Variants in CD44 observed in about 807,000 individuals in gnomAD.
CD44 encodes the protein CD44 antigen.
In CD44, 49 loss-of-function variants were observed where a neutral mutation model predicts 88.8. The ratio of observed to expected loss-of-function variants is 0.55; its 90% CI spans 0.44 to 0.70. The LOEUF (loss-of-function observed/expected upper bound fraction) is 0.70. CD44 is among the 30% of genes least tolerant of loss of function. The pLI is 0.00. For missense variants in CD44, 883 were observed against 913.8 expected, an observed-to-expected ratio of 0.97 and a Z score of 0.43; for synonymous variants, 325 against 312.3, an observed-to-expected ratio of 1.04 and a Z score of -0.43.
rs55698889 is a variant in CD44 at position 35,221,752 on chromosome 11, G to T, written c.2024+20G>T. 6 of 1,606,354 alleles carry T rather than the reference G, an allele frequency of 3.7e-6. No homozygotes were observed. Among genetic ancestry groups the T allele is most frequent in the South Asian group, 2.2e-5 (2 of 90,932 alleles). ...AAGAAGGTAAGGGGCTGTCCTGGGG[G>T]CTTTCAACTTGGAAAGGGCATCATT... On this transcript the variant is annotated intron_variant, in intron 17 of 17. Transcript: ENST00000428726.
intron 4 of CD44, 53 bp downstream of exon 4, chr11:35,186,953 C>A: frequency 1.9e-6 from 2 of 1,031,508 alleles, no homozygotes; most frequent in Non-Finnish European, 3.1e-6. Flanking sequence ...GGAAAGGGCT[C>A]AGGTGTGTTC....
Position 35,209,816 on chromosome 11 carries a change from C to T in CD44, c.1517-149C>T, listed in dbSNP as rs1948226798. ...ATAGAATTCTTCTGTATATTTCTAT[C>T]AATCAGAGGAGAATTGTGTGCACAA... On this transcript the variant is annotated intron_variant, in intron 12 of 17. Coordinates refer to ENST00000428726, the MANE Select transcript of CD44 (RefSeq NM_000610.4). The T allele has an allele frequency of 1.2e-5, 7 of 574,530 alleles. No homozygotes were observed. In the South Asian group the frequency reaches 1.5e-4, roughly 12 times the overall value. The allele number at this position is 574,530 out of a possible 1,614,324, so 35.6% of individuals were successfully genotyped here.
intron 1 of CD44, among the ~76,000 whole-genome samples, chr11:35,153,269 A>G (rs1941419227): frequency 6.6e-6 from 1 of 152,202 alleles, no homozygotes; most frequent in Non-Finnish European, 1.5e-5. Flanking sequence ...TTGGAGTACA[A>G]AATGAGAAGA....
chr11:35,199,365 C>A (rs973944134), intron 7 of CD44, among the ~76,000 whole-genome samples: 2 of 152,170 alleles, frequency 1.3e-5, no homozygotes. Context: ...TCCACACATA[C>A]CTGTAATGAC....
At position 35,191,403 on chromosome 11, in the gene CD44, T is replaced by C. The variant is rs114051895; in HGVS notation, c.667+1338T>C. Among the ~76,000 whole-genome samples, 1,495 of 152,332 alleles carry C rather than the reference T, an allele frequency of 9.8e-3. 26 individuals carry two copies. The highest frequency in any genetic ancestry group is 0.034 in the African/African-American group (1,408 of 41,570). ...CAGAGTTTTCAAGCTGCCCATACTTTCTTGGGTTATTGGCCCTCTTGAGTT... is the reference window on the plus strand; with the variant it reads ...CAGAGTTTTCAAGCTGCCCATACTTCCTTGGGTTATTGGCCCTCTTGAGTT... On this transcript the variant is annotated intron_variant, in intron 5 of 17. Transcript: ENST00000428726.
intron 17 of CD44, chr11:35,222,801 A>G (rs1429333806): frequency 2.0e-6 from 2 of 984,858 alleles, no homozygotes; most frequent in African/African-American, 3.5e-5. Context: ...ATGTCCCTTT[A>G]GATGGTTTCT....
chr11:35,181,870 TA>T (rs1945073219), intron 3 of CD44, among the ~76,000 whole-genome samples: 2 of 83,006 alleles, frequency 2.4e-5, no homozygotes, highest in African/African-American at 5.8e-5. Context: ...TTTATATATA[TA>T]TATTATATAT....
intron 1 of CD44, among the ~76,000 whole-genome samples, chr11:35,143,678 G>C (rs1858466731): frequency 6.6e-6 from 1 of 152,088 alleles, no homozygotes; most frequent in Admixed American, 6.5e-5. Context: ...TGCATGGGTG[G>C]CTTCTCTCTC....
chr11:35,205,252 C>A (rs1947716869), intron 10 of CD44, among the ~76,000 whole-genome samples: 1 of 152,196 alleles, frequency 6.6e-6, no homozygotes, highest in African/African-American at 2.4e-5. Flanking sequence ...CTTGGCTTTG[C>A]AAGCTCCCAT....
intron 9 of CD44, among the ~76,000 whole-genome samples, chr11:35,202,489 C>G (rs999023719): frequency 5.9e-5 from 9 of 152,182 alleles, no homozygotes; most frequent in African/African-American, 2.2e-4. Context: ...CTTCTTTTAT[C>G]TATCCCGCTG....
intron 6 of CD44, 74 bp from the exon 7 acceptor site, chr11:35,198,047 G>A (rs1241328653): frequency 2.0e-6 from 3 of 1,531,696 alleles, no homozygotes; most frequent in Middle Eastern, 1.7e-4. Context: ...TATACCTTCT[G>A]TGCCTGATTT....
intron 1 of CD44, among the ~76,000 whole-genome samples, chr11:35,161,291 T>G (rs77232913): frequency 1.3e-5 from 2 of 152,312 alleles, no homozygotes; most frequent in East Asian, 3.9e-4. Context: ...ATTTTACTGA[T>G]GAAGAGACTG....
intron 1 of CD44, among the ~76,000 whole-genome samples, chr11:35,165,680 A>G (rs73436921): frequency 0.017 from 2,575 of 152,276 alleles, 89 homozygotes; most frequent in African/African-American, 0.058. Context: ...CCAAGCTCCA[A>G]AATTTCATAA....
In CD44 at chr11:35,231,469, G is replaced by C. The variant is rs780006530; in HGVS notation, c.*2136G>C. On this transcript the variant is annotated 3_prime_UTR_variant, in exon 18 of 18. Transcript: ENST00000428726. ...TATTCCCAAAAAGAGGCTGAGACAG[G>C]AGGTTATTTTCAATTTTATTTTGGA... 1.3e-5 allele frequency: 2 copies of C among 152,198 alleles called. No homozygotes were observed. The highest frequency in any genetic ancestry group is 2.9e-5 in the Non-Finnish European group (2 of 68,044). The allele number at this position is 152,198 out of a possible 1,614,324, so 9.4% of individuals were successfully genotyped here.
chr11:35,201,414 T>C (rs1455034637), intron 8 of CD44, among the ~76,000 whole-genome samples: 1 of 152,210 alleles, frequency 6.6e-6, no homozygotes, highest in Non-Finnish European at 1.5e-5. Flanking sequence ...TAAAAATGAA[T>C]ATGTTTGAAT....
chr11:35,197,696 C>T (rs1946893473), intron 6 of CD44: 1 of 142,682 alleles, frequency 7.0e-6, no homozygotes, highest in Non-Finnish European at 1.5e-5. Flanking sequence ...TAGATTCCAA[C>T]ATTTTTCTGA....
intron 5 of CD44, among the ~76,000 whole-genome samples, chr11:35,194,447 C>T (rs546838031): frequency 6.6e-6 from 1 of 152,312 alleles, no homozygotes; most frequent in South Asian, 2.1e-4. Context: ...ACTCAAACAG[C>T]CACGCAACAG....
chr11:35,208,525 T>G (rs1024801720), intron 12 of CD44, among the ~76,000 whole-genome samples: 1 of 152,246 alleles, frequency 6.6e-6, no homozygotes, highest in East Asian at 1.9e-4. Context: ...GATTTCTCTA[T>G]GTTTTAACTG....
intron 9 of CD44, among the ~76,000 whole-genome samples, chr11:35,204,116 T>C (rs1947580051): frequency 1.3e-5 from 2 of 152,222 alleles, no homozygotes; most frequent in African/African-American, 2.4e-5. Context: ...TTAGCTGTTA[T>C]ACAGTGTTTT....
Sources: allele counts gnomAD v4.1 joint callset (sites outside exome capture counted in the v4.1 genomes callset), GRCh38; gene constraint gnomAD v4.1.1; transcripts MANE v1.5; gene names NCBI Gene and HGNC (gene_info 2026-07-23, HGNC 2026-07-21).